PPP1R12C: variants seen among roughly 807,000 people sequenced by gnomAD.
PPP1R12C encodes the protein protein phosphatase 1 regulatory subunit 12C, also known as leukocyte receptor cluster (LRC) encoded novel gene 3.
PPP1R12C carries 48 observed loss-of-function variants against 95.6 expected under a neutral mutation model. The observed-to-expected ratio is 0.50, with a 90% CI of 0.40 to 0.64. The LOEUF (loss-of-function observed/expected upper bound fraction) is 0.64, where lower values mean the gene tolerates loss of function less well. Ranked by LOEUF, PPP1R12C falls within the 30% of genes least tolerant of loss-of-function variation. The probability of loss-of-function intolerance (pLI) is 0.00; values close to 1 mark genes in which losing one functional copy is unlikely to be tolerated. For synonymous variants in PPP1R12C, 480 were observed against 460.8 expected (o/e 1.04, Z -0.53); for missense variants, 1,057 against 1,083.3 (o/e 0.98, Z 0.34).
Position 55,098,970 on chromosome 19 carries a change from A to G in PPP1R12C, c.857T>C (p.Met286Thr), listed in dbSNP as rs771923906. 3.2e-6 allele frequency: 5 copies of G among 1,570,712 alleles called. 1 individual carries two copies. In the Admixed American group the frequency reaches 9.4e-5, roughly 29 times the overall value. The stretch of plus-strand genomic sequence containing the variant: ...CCTCACCGCATGGGTCAGTGAGTCC[A>G]TGCCCCCGCCATGCTCGGCCAGCAG... ...CRLLAEHGGG[M>T]DSLTHAGQRP... Residue 286 changes from methionine to threonine, a missense_variant, in exon 5 of 22, where the codon ATG (methionine) becomes ACG (threonine). Transcript: ENST00000263433.
chr19:55,102,952 A>C (rs2084994346), intron 4 of PPP1R12C, among the ~76,000 whole-genome samples: 1 of 152,240 alleles, frequency 6.6e-6, no homozygotes, highest in Admixed American at 6.5e-5. Context: ...CTGTAATCCC[A>C]GCACTTTGGG....
intron 18 of PPP1R12C, 41 bp downstream of exon 18, chr19:55,092,401 C>G: frequency 6.3e-7 from 1 of 1,577,706 alleles, no homozygotes; most frequent in South Asian, 1.1e-5. Flanking sequence ...GGAAGCTGGG[C>G]ACCCAGCAGG....
rs370469303 is a variant in PPP1R12C at position 55,112,814 on chromosome 19, C to G, written c.322-19G>C. On this transcript the variant is annotated intron_variant, in intron 1 of 21. Coordinates refer to ENST00000263433, the MANE Select transcript of PPP1R12C (RefSeq NM_017607.4). The stretch of plus-strand genomic sequence containing the variant: ...TGCAGGCCTGGGGGTGGGAAACAGC[C>G]GTCAGCCGCACCTACCCCAGCCACG... 1.2e-6 allele frequency: 2 copies of G among 1,610,336 alleles called. No homozygotes were observed. Among genetic ancestry groups the G allele is most frequent in the Non-Finnish European group, 1.7e-6 (2 of 1,179,758 alleles).
chr19:55,108,607 A>C (rs2085063451), intron 3 of PPP1R12C, among the ~76,000 whole-genome samples: 1 of 152,226 alleles, frequency 6.6e-6, no homozygotes, highest in South Asian at 2.1e-4. Context: ...CAGACGTGGA[A>C]TCAGACAGTA....
At chr19:55,100,289 C>T (rs141493308) in intron 4 of PPP1R12C, among the ~76,000 whole-genome samples, 2 of 152,350 alleles carry the variant, frequency 1.3e-5, no homozygotes, top group Non-Finnish European at 2.9e-5. Context: ...TGCTGCCCCC[C>T]AGGGGACATT....
intron 3 of PPP1R12C, among the ~76,000 whole-genome samples, chr19:55,107,775 T>C (rs1466209656): frequency 1.3e-5 from 2 of 151,550 alleles, no homozygotes; most frequent in African/African-American, 4.9e-5. Context: ...CACACCAACA[T>C]GGCACATGTA....
chr19:55,109,463 G>A lies in PPP1R12C; in HGVS notation c.571+3004C>T, dbSNP rs767768056. Among the ~76,000 whole-genome samples the A allele has an allele frequency of 5.3e-5, 8 of 152,244 alleles. No individual in the cohort carries two copies. Among genetic ancestry groups the A allele is most frequent in the Non-Finnish European group, 8.8e-5 (6 of 68,040 alleles). On this transcript the variant is annotated intron_variant, in intron 3 of 21. Transcript: ENST00000263433. The surrounding 1 kb of genome is among the most constrained non-coding windows in gnomAD (Gnocchi z 4.4). ...TTGGTTCTTGCAAAGAGTCATGCCC[G>A]ATTCAGCCCCTGAGTCGACTGGGCC... is the stretch of plus-strand genomic sequence containing the variant.
chr19:55,115,826 G>A (rs935045475), intron 1 of PPP1R12C, among the ~76,000 whole-genome samples: 2 of 152,168 alleles, frequency 1.3e-5, no homozygotes, highest in Non-Finnish European at 2.9e-5. Context: ...CACATTAACC[G>A]GCCCTGGGAA....
Position 55,117,373 on chromosome 19 carries a change from C to G in PPP1R12C, c.171G>C (p.Ala57=). Reference sequence around the variant, plus strand: ...CGTCCAGGTCGCCGCCCGCACAGGCCGCCAGGAACTCGGCGGCGCGCTCGA... The same window carrying G: ...CGTCCAGGTCGCCGCCCGCACAGGCGGCCAGGAACTCGGCGGCGCGCTCGA... The part of the protein sequence containing the change: ...VRFERAAEFL[A]ACAGGDLDEA... The change falls in exon 1 of 22, where the codon GCG becomes GCC. Residue 57 remains alanine, a synonymous_variant. Coordinates refer to ENST00000263433, the MANE Select transcript of PPP1R12C (RefSeq NM_017607.4). 9.1e-7 allele frequency: 1 copy of G among 1,103,676 alleles called. No individual in the cohort carries two copies. Among genetic ancestry groups the G allele is most frequent in the Non-Finnish European group, 1.1e-6 (1 of 907,506 alleles). 68.4% of individuals were successfully genotyped at this position (1,103,676 alleles called of 1,614,324 possible). A position where few individuals can be genotyped will look rare whatever the true frequency, so the allele number is the denominator to read the frequency against.
At chr19:55,097,679 C>T (rs1047827522) in intron 6 of PPP1R12C, among the ~76,000 whole-genome samples, 44 of 147,040 alleles carry the variant, frequency 3.0e-4, no homozygotes, top group Non-Finnish European at 5.1e-4. Flanking sequence ...GCCCCTTCCC[C>T]GCGCAGTTCA....
chr19:55,092,478 C>T lies in PPP1R12C; in HGVS notation c.2019G>A (p.Glu673=). Residue 673 remains glutamate (E), a synonymous_variant, in exon 18 of 22, where the codon GAG becomes GAA. Coordinates refer to ENST00000263433, the MANE Select transcript of PPP1R12C (RefSeq NM_017607.4). ...CTCCGTCTGGCTCTTCCGATTCTGG[C>T]TCAGGTTCTGGGTTGAGGTCCCGCT... is the stretch of plus-strand genomic sequence containing the variant. ...RWQRDLNPEP[E]PESEEPDGGF... is the part of the protein sequence containing the mutation. 6.2e-7 allele frequency: 1 copy of T among 1,610,170 alleles called. No individual in the cohort carries two copies. The highest frequency in any genetic ancestry group is 8.5e-7 in the Non-Finnish European group (1 of 1,178,626).
At chr19:55,100,420 C>T (rs1427955765) in intron 4 of PPP1R12C, among the ~76,000 whole-genome samples, 7 of 152,246 alleles carry the variant, frequency 4.6e-5, no homozygotes, top group Non-Finnish European at 8.8e-5. Flanking sequence ...GCAGCAAGAG[C>T]GATCAGCCCA....
intron 1 of PPP1R12C, chr19:55,113,520 GAC>G: frequency 1.4e-6 from 2 of 1,393,534 alleles, no homozygotes; most frequent in Non-Finnish European, 1.9e-6. Context: ...AACTTGGGGG[GAC>G]AAAAGCCGAA....
In PPP1R12C at chr19:55,093,160, T is replaced by C. The variant is rs1273194477; in HGVS notation, c.1757A>G (p.Gln586Arg). The C allele has an allele frequency of 6.2e-7, 1 of 1,613,688 alleles. No homozygotes were observed. Among genetic ancestry groups the C allele is most frequent in the Non-Finnish European group, 8.5e-7 (1 of 1,179,936 alleles). Reference protein sequence around the residue: ...GKAPESEKPAQSLDPSRRPRV... With the variant: ...GKAPESEKPARSLDPSRRPRV... ...CTCGCTGACCCCTCTCACCAGGCTC[T>C]GCGCCGGCTTCTCTGACTCTGGGGC... The change falls in exon 14 of 22, where the codon CAG becomes CGG. Residue 586 changes from glutamine to arginine, a missense_variant. Around this residue, in one of 5 missense-constraint regions of PPP1R12C, gnomAD observed 347 missense variants for 307.9 expected, o/e 1.13. Transcript: ENST00000263433.
chr19:55,110,387 C>T (rs1457108019), intron 3 of PPP1R12C, among the ~76,000 whole-genome samples: 1 of 141,988 alleles, frequency 7.0e-6, no homozygotes, highest in South Asian at 2.4e-4. Flanking sequence ...AAGGTTGGTG[C>T]GGTGGGTGAG....
intron 1 of PPP1R12C, 108 bp downstream of exon 1, chr19:55,117,115 C>T (rs926038577): frequency 4.0e-6 from 4 of 1,002,466 alleles, no homozygotes; most frequent in Non-Finnish European, 5.0e-6. Context: ...AGCCCAGGGC[C>T]AGGAACGACG....
At chr19:55,115,264 C>T (rs12981737) in intron 1 of PPP1R12C, 2,764 of 152,308 alleles carry the variant, frequency 0.018, 27 homozygotes, top group Non-Finnish European at 0.027. Flanking sequence ...CCTGCCAGGA[C>T]GGGGCTGGCT....
chr19:55,096,132 C>A lies in PPP1R12C; in HGVS notation c.1072G>T (p.Asp358Tyr). 2 of 1,600,010 alleles carry A rather than the reference C, an allele frequency of 1.2e-6. No individual in the cohort carries two copies. The highest frequency in any genetic ancestry group is 8.5e-7 in the Non-Finnish European group (1 of 1,173,736). The change falls in exon 8 of 22, where the codon GAC (aspartate) becomes TAC (tyrosine). Residue 358 changes from aspartate to tyrosine, a missense_variant. Asp to Tyr is a radical substitution (Grantham distance 160). Around this residue, in one of 5 missense-constraint regions of PPP1R12C, gnomAD observed 356 missense variants for 330.5 expected, o/e 1.08. Coordinates refer to ENST00000263433, the MANE Select transcript of PPP1R12C (RefSeq NM_017607.4). ...LSSREKISLQ[D>Y]LSKERRPGGA... ...CCAGGCCGGCGCTCCTTGGACAAGT[C>A]CTGGAGGGAAATCTTCTCGCGACTG...
rs138437435 is a variant in PPP1R12C, at chr19:55,091,535, G to A, written c.2286C>T (p.Asp762=). The change falls in exon 22 of 22, where the codon GAC becomes GAT. Residue 762 remains aspartate (D), a synonymous_variant. Coordinates refer to ENST00000263433, the MANE Select transcript of PPP1R12C (RefSeq NM_017607.4). ...ELKALSDLRA[D]NQRLKDENAA... is the part of the protein sequence containing the mutation. ...CATTCTCATCCTTGAGGCGCTGGTT[G>A]TCAGCGCGGAGGTCAGACAGGGCCT... 959 of 1,613,902 alleles carry A rather than the reference G, an allele frequency of 5.9e-4. 10 individuals carry two copies. The African/African-American group carries it at 0.011, about 18-fold the overall frequency.
Sources: gnomAD v4.1 joint callset for allele counts (sites outside exome capture counted in the v4.1 genomes callset) on GRCh38, gnomAD v4.1.1 for gene constraint, gnomAD v4.1.1 regional missense constraint, Gnocchi (gnomAD v3.1) non-coding constraint, MANE v1.5 for transcripts, NCBI Gene and HGNC (gene_info 2026-07-23, HGNC 2026-07-21) for gene names.